The following HSP90AA1 variants were observed in gnomAD, a reference collection of about 807,000 sequenced individuals.
HSP90AA1 encodes the protein heat shock protein 90 alpha family class A member 1.
A neutral mutation model predicts 73.3 loss-of-function variants in HSP90AA1; 18 were observed. The observed-to-expected ratio is 0.25, with a 90% CI of 0.17 to 0.36. The LOEUF is 0.36. HSP90AA1 is among the 10% of genes least tolerant of loss of function. HSP90AA1 has a pLI of 1.00. For missense variants in HSP90AA1, 704 were observed against 874.2 expected, an observed-to-expected ratio of 0.81 and a Z score of 2.45; for synonymous variants, 477 against 296.9, an observed-to-expected ratio of 1.61 and a Z score of -6.24.
rs1009931307 is a variant in HSP90AA1, at chr14:102,080,894, C to T, written c.*818G>A. ...TTCTGTGCCTACGTGTGCTCCACCC[C>T]ACACCTGCTGAGTACATGCTGGGAA... On this transcript the variant is annotated 3_prime_UTR_variant, in exon 11 of 11. Coordinates refer to ENST00000216281, the MANE Select transcript of HSP90AA1 (RefSeq NM_005348.4). 1 of 228,176 alleles carries T rather than the reference C, an allele frequency of 4.4e-6. No homozygotes were observed. Among genetic ancestry groups the T allele is most frequent in the African/African-American group, 2.2e-5 (1 of 45,010 alleles). 14.1% of individuals were successfully genotyped at this position (228,176 alleles called of 1,614,324 possible).
chr14:102,087,935 T>C (rs922813386), upstream of HSP90AA1, among the ~76,000 whole-genome samples: 1 of 122,590 alleles, frequency 8.2e-6, no homozygotes, highest in African/African-American at 3.2e-5. Context: ...TAAAAGGTTT[T>C]TTTTTTTTTT....
In HSP90AA1 at chr14:102,137,357, G is replaced by A. The variant is rs181340321; in HGVS notation, c.155+1893C>T. Among the ~76,000 whole-genome samples the A allele has an allele frequency of 3.8e-4, 58 of 151,322 alleles. 1 individual carries two copies. Among genetic ancestry groups the A allele is most frequent in the African/African-American group, 1.1e-3 (46 of 41,278 alleles). ...TATTTATTTCCTGAGATGGAGTCTC[G>A]CTCTGTTGCCCAGGCTGGAGTGCAG... On this transcript the variant is annotated intron_variant, in intron 1 of 11. Coordinates refer to the HSP90AA1 transcript ENST00000334701.
chr14:102,136,212 T>C (rs1436432665), intron 1 of HSP90AA1, among the ~76,000 whole-genome samples: 1 of 152,212 alleles, frequency 6.6e-6, no homozygotes, highest in South Asian at 2.1e-4. Context: ...ACCATCATAA[T>C]GATTCAAGTT....
intron 1 of HSP90AA1, among the ~76,000 whole-genome samples, chr14:102,127,115 A>G (rs557074300): frequency 1.8e-4 from 28 of 151,948 alleles, no homozygotes; most frequent in African/African-American, 6.5e-4. Flanking sequence ...GTAACAAGTT[A>G]ATTTTTTCTT....
intron 1 of HSP90AA1, among the ~76,000 whole-genome samples, chr14:102,133,775 G>A (rs10149149): frequency 0.054 from 8,156 of 152,108 alleles, 647 homozygotes; most frequent in African/African-American, 0.17. Flanking sequence ...GAGCCACGGC[G>A]CCCAGCCTAA....
At chr14:102,130,553 T>C (rs2049896027) in intron 1 of HSP90AA1, among the ~76,000 whole-genome samples, 1 of 152,208 alleles carries the variant, frequency 6.6e-6, no homozygotes, top group Non-Finnish European at 1.5e-5. Flanking sequence ...TTGTGAATCT[T>C]TTCACGTGCT....
At chr14:102,098,993 C>T (rs969142621) in intron 2 of HSP90AA1, among the ~76,000 whole-genome samples, 1 of 152,186 alleles carries the variant, frequency 6.6e-6, no homozygotes, top group African/African-American at 2.4e-5. Context: ...CTGAAACCTC[C>T]ACACATTGCA....
At chr14:102,093,557 C>T (rs979889494) in intron 2 of HSP90AA1, among the ~76,000 whole-genome samples, 5 of 151,806 alleles carry the variant, frequency 3.3e-5, no homozygotes, top group African/African-American at 7.3e-5. Context: ...AGTTAAAGCA[C>T]GGGTCTGGAG....
chr14:102,086,141 T>A lies in HSP90AA1; in HGVS notation c.163-17A>T. 1 of 1,613,950 alleles carries A rather than the reference T, an allele frequency of 6.2e-7. No homozygotes were observed. The highest frequency in any genetic ancestry group is 8.5e-7 in the Non-Finnish European group (1 of 1,179,840). ...GTCCAATGCCTGTTAACAAAAAATATTAATTTAAGCATACAGCACCCCCAA... is the reference window on the plus strand; with the variant it reads ...GTCCAATGCCTGTTAACAAAAAATAATAATTTAAGCATACAGCACCCCCAA... On this transcript the variant is annotated splice_polypyrimidine_tract_variant and intron_variant, in intron 2 of 10. Coordinates refer to ENST00000216281, the MANE Select transcript of HSP90AA1 (RefSeq NM_005348.4).
At chr14:102,128,999 G>A (rs1253995949) in intron 1 of HSP90AA1, among the ~76,000 whole-genome samples, 1 of 151,654 alleles carries the variant, frequency 6.6e-6, no homozygotes, top group East Asian at 1.9e-4. Flanking sequence ...GGCGCTCCCT[G>A]GACCAATAGA....
chr14:102,081,656 AT>A lies in HSP90AA1; in HGVS notation c.*55del, dbSNP rs1194027193. On this transcript the variant is annotated 3_prime_UTR_variant, in exon 11 of 11. Transcript: ENST00000216281. ...AATAAAGAAAAACATCCTTGAAAAT[AT>A]ATTATCAGAGGAATTGTAGAGTACT... The A allele has an allele frequency of 2.4e-6, 2 of 826,354 alleles. No homozygotes were observed. The highest frequency in any genetic ancestry group is 3.3e-5 in the African/African-American group (2 of 59,942). The allele number at this position is 826,354 out of a possible 1,614,324, so 51.2% of individuals were successfully genotyped here.
chr14:102,124,853 T>C (rs1305112379), intron 1 of HSP90AA1, among the ~76,000 whole-genome samples: 1 of 152,268 alleles, frequency 6.6e-6, no homozygotes, highest in East Asian at 1.9e-4. Flanking sequence ...GTTATGTCTT[T>C]TGACCTTAAG....
rs2049117402 is a variant in HSP90AA1, at chr14:102,082,287, G to A, written c.1913C>T (p.Pro638Leu). 6.2e-7 allele frequency: 1 copy of A among 1,613,946 alleles called. No homozygotes were observed. Among genetic ancestry groups the A allele is most frequent in the Non-Finnish European group, 8.5e-7 (1 of 1,179,842 alleles). ...MAAKKHLEIN[P>L]DHSIIETLRQ... ...TAAGGTCTCAATAATGGAATGGTCAGGGTTTATCTCCAGGTGTTTCTTTGC... is the reference window on the plus strand; with the variant it reads ...TAAGGTCTCAATAATGGAATGGTCAAGGTTTATCTCCAGGTGTTTCTTTGC... The change falls in exon 10 of 11, where the codon CCT becomes CTT. Residue 638 changes from proline (P) to leucine (L), a missense_variant. Coordinates refer to ENST00000216281, the MANE Select transcript of HSP90AA1 (RefSeq NM_005348.4).
At chr14:102,137,283 A>T (rs1472979524) in intron 1 of HSP90AA1, among the ~76,000 whole-genome samples, 1 of 151,950 alleles carries the variant, frequency 6.6e-6, no homozygotes, top group Non-Finnish European at 1.5e-5. Context: ...GAAATTGAAA[A>T]TCAGAAATAA....
At chr14:102,118,833 G>A (rs997964805) in intron 1 of HSP90AA1, among the ~76,000 whole-genome samples, 1 of 144,922 alleles carries the variant, frequency 6.9e-6, no homozygotes, top group Non-Finnish European at 1.5e-5. Flanking sequence ...GAATTCCTCT[G>A]ACTCTTCTTG....
intron 1 of HSP90AA1, among the ~76,000 whole-genome samples, chr14:102,137,895 G>T (rs540101335): frequency 3.3e-5 from 5 of 151,628 alleles, no homozygotes; most frequent in South Asian, 2.1e-4. Flanking sequence ...CACATCTGTA[G>T]TCCCAGCTAC....
chr14:102,096,570 A>G (rs1462344027), intron 2 of HSP90AA1, among the ~76,000 whole-genome samples: 1 of 152,136 alleles, frequency 6.6e-6, no homozygotes, highest in East Asian at 1.9e-4. Flanking sequence ...GCTCTGGCCA[A>G]ATTCACTCTG....
chr14:102,100,507 C>G (rs1024989581), intron 2 of HSP90AA1, among the ~76,000 whole-genome samples: 2 of 151,476 alleles, frequency 1.3e-5, no homozygotes, highest in Non-Finnish European at 2.9e-5. Flanking sequence ...CTCCCCACAA[C>G]CTCCGCCTCC....
At chr14:102,087,229 T>C (rs1214905355), upstream of HSP90AA1, 2 of 902,944 alleles carry the variant, frequency 2.2e-6, no homozygotes, top group African/African-American at 1.8e-5. Context: ...GCGCAGGCCC[T>C]GCTCGTGGCC....
Sources: gnomAD v4.1 joint callset for allele counts (sites outside exome capture counted in the v4.1 genomes callset) on GRCh38, gnomAD v4.1.1 for gene constraint, MANE v1.5 for transcripts, NCBI Gene and HGNC (gene_info 2026-07-23, HGNC 2026-07-21) for gene names.